RNF220: variants seen among roughly 807,000 people sequenced by gnomAD.
RNF220 encodes the protein E3 ubiquitin-protein ligase RNF220.
Under a neutral mutation model 67.1 loss-of-function variants are expected in RNF220, and 7 were observed. That is an observed-to-expected ratio of 0.10 (90% confidence interval 0.06 to 0.20). The LOEUF (loss-of-function observed/expected upper bound fraction) is 0.20, where lower values mean the gene tolerates loss of function less well. Ranked by LOEUF, RNF220 falls within the 10% of genes least tolerant of loss-of-function variation. The pLI is 1.00. For missense variants in RNF220, 565 were observed against 740.3 expected, an observed-to-expected ratio of 0.76 and a Z score of 2.75; for synonymous variants, 270 against 283.2, an observed-to-expected ratio of 0.95 and a Z score of 0.47.
chr1:44,468,049 A>G (rs1288104259), intron 2 of RNF220, among the ~76,000 whole-genome samples: 1 of 151,978 alleles, frequency 6.6e-6, no homozygotes, highest in African/African-American at 2.4e-5. Context: ...AGTGTGGTTC[A>G]TGGCACGCCA....
In RNF220 at chr1:44,650,278, G is replaced by T. The variant is rs980150192; in HGVS notation, c.1629+321G>T. On this transcript the variant is annotated intron_variant, in intron 14 of 14. Transcript: ENST00000361799. This position sits in a 1 kb window ranked among gnomAD's most constrained non-coding sequence, Gnocchi z 4.3. ...GGCTGGCTGTAGGTAAACAGGACCA[G>T]GGCCTTGGCCCCTCCCCCTCCCATT... 1.9e-6 allele frequency: 1 copy of T among 515,346 alleles called. No individual in the cohort carries two copies. Among genetic ancestry groups the T allele is most frequent in the African/African-American group, 1.9e-5 (1 of 52,294 alleles). The allele number at this position is 515,346 out of a possible 1,614,324, so 31.9% of individuals were successfully genotyped here. A position where few individuals can be genotyped will look rare whatever the true frequency, so the allele number is the denominator to read the frequency against.
chr1:44,528,616 T>C (rs1660590045), intron 2 of RNF220, among the ~76,000 whole-genome samples: 1 of 214 alleles, frequency 4.7e-3, no homozygotes, highest in African/African-American at 0.015. Context: ...ATTGGCAACT[T>C]TTTTTTTTTT....
chr1:44,560,323 T>C (rs961746549), intron 2 of RNF220, among the ~76,000 whole-genome samples: 2 of 152,112 alleles, frequency 1.3e-5, no homozygotes, highest in African/African-American at 4.8e-5. Context: ...GAAGGGCAGG[T>C]GCTGTTTCCC....
chr1:44,604,512 G>A (rs968071782), intron 2 of RNF220, among the ~76,000 whole-genome samples: 3 of 152,262 alleles, frequency 2.0e-5, no homozygotes, highest in Non-Finnish European at 4.4e-5. Flanking sequence ...GCCAGTCTCT[G>A]AACAGGTTGG....
Position 44,622,311 on chromosome 1 carries a change from C to T in RNF220, c.759-431C>T, listed in dbSNP as rs1643831748. 6.6e-6 allele frequency among the ~76,000 whole-genome samples: 1 copy of T among 152,212 alleles called. No homozygotes were observed. The highest frequency in any genetic ancestry group is 2.4e-5 in the African/African-American group (1 of 41,444). ...ATCATTCCTGGCCTAACACAGTTTG[C>T]AGCATGTTGGAGGGAGAATTGACAA... On this transcript the variant is annotated intron_variant, in intron 3 of 14. Coordinates refer to ENST00000361799, the MANE Select transcript of RNF220 (RefSeq NM_018150.4). The surrounding 1 kb of genome is among the most constrained non-coding windows in gnomAD (Gnocchi z 4.3).
chr1:44,620,405 T>C (rs935775735), intron 3 of RNF220, among the ~76,000 whole-genome samples: 2 of 152,224 alleles, frequency 1.3e-5, no homozygotes, highest in Admixed American at 6.5e-5. Flanking sequence ...CTAGGCCAGG[T>C]AGAGCAAGCA....
intron 2 of RNF220, among the ~76,000 whole-genome samples, chr1:44,431,700 C>A (rs1380319638): frequency 6.6e-6 from 1 of 151,712 alleles, no homozygotes; most frequent in Middle Eastern, 3.2e-3. Context: ...ACATCCCTGG[C>A]CATCTTCTGA....
chr1:44,561,104 C>G (rs1558044903), intron 2 of RNF220, among the ~76,000 whole-genome samples: 1 of 152,128 alleles, frequency 6.6e-6, no homozygotes, highest in African/African-American at 2.4e-5. Flanking sequence ...CTAGGAGGTA[C>G]CTGTACAAGT....
intron 2 of RNF220, among the ~76,000 whole-genome samples, chr1:44,598,765 C>T (rs537240093): frequency 6.6e-6 from 1 of 152,294 alleles, no homozygotes; most frequent in Admixed American, 6.5e-5. Context: ...AGGTCTATGA[C>T]CACTTGATAT....
chr1:44,474,168 A>G (rs1438602945), intron 2 of RNF220, among the ~76,000 whole-genome samples: 2 of 152,096 alleles, frequency 1.3e-5, no homozygotes, highest in Non-Finnish European at 2.9e-5. Context: ...TGAGGTCAGG[A>G]GTTCAAGACC....
intron 2 of RNF220, among the ~76,000 whole-genome samples, chr1:44,497,148 C>G (rs1429902978): frequency 6.6e-6 from 1 of 152,154 alleles, no homozygotes; most frequent in Non-Finnish European, 1.5e-5. Context: ...CCAATAAATT[C>G]TGGGCCTTCA....
intron 2 of RNF220, among the ~76,000 whole-genome samples, chr1:44,526,191 A>G (rs1303181009): frequency 1.3e-5 from 2 of 152,146 alleles, no homozygotes; most frequent in Non-Finnish European, 2.9e-5. Flanking sequence ...CGGGGAGAAA[A>G]GCGCATAACC....
chr1:44,589,538 C>T (rs887355381), intron 2 of RNF220, among the ~76,000 whole-genome samples: 2 of 144,654 alleles, frequency 1.4e-5, no homozygotes, highest in East Asian at 3.9e-4. Flanking sequence ...GGCGTGAACC[C>T]AGGAGGAGGA....
intron 8 of RNF220, among the ~76,000 whole-genome samples, chr1:44,641,708 G>T (rs960544121): frequency 1.3e-5 from 2 of 152,186 alleles, no homozygotes; most frequent in African/African-American, 4.8e-5. Context: ...TGGGAAAGAG[G>T]TTGGAGCAGG....
chr1:44,465,476 C>T (rs1185407865), intron 2 of RNF220, among the ~76,000 whole-genome samples: 1 of 149,404 alleles, frequency 6.7e-6, no homozygotes, highest in Non-Finnish European at 1.5e-5. Context: ...CGCTATGTTT[C>T]AGAGGCTGGC....
intron 2 of RNF220, among the ~76,000 whole-genome samples, chr1:44,508,290 G>A (rs1235748043): frequency 1.3e-5 from 2 of 152,100 alleles, no homozygotes; most frequent in East Asian, 1.9e-4. Context: ...TCCCATCTGT[G>A]TAGAGAGAGG....
chr1:44,517,835 G>A (rs1424697719), intron 2 of RNF220, among the ~76,000 whole-genome samples: 2 of 152,238 alleles, frequency 1.3e-5, no homozygotes, highest in African/African-American at 4.8e-5. Flanking sequence ...GGCCAGGTAC[G>A]GTGGTCCACA....
rs567966762 is a variant in RNF220, at chr1:44,417,565, C to T, written c.625+4843C>T. 8.5e-5 allele frequency among the ~76,000 whole-genome samples: 13 copies of T among 152,334 alleles called. No individual in the cohort carries two copies. The South Asian group carries it at 2.1e-3, about 24-fold the overall frequency. On this transcript the variant is annotated intron_variant, in intron 2 of 14. Transcript: ENST00000361799. This position sits in a 1 kb window ranked among gnomAD's most constrained non-coding sequence, Gnocchi z 4.0. ...CGCCGCTCTGTGCGGCGGCTGCCTC[C>T]TCTTACGGCCGGAATGCCTAATCAC...
chr1:44,545,219 C>T (rs1662027891), intron 2 of RNF220, among the ~76,000 whole-genome samples: 1 of 152,136 alleles, frequency 6.6e-6, no homozygotes. Flanking sequence ...CGGAGATGTG[C>T]AGGACAGAGA....
Sources: gnomAD v4.1 joint callset for allele counts (sites outside exome capture counted in the v4.1 genomes callset) on GRCh38, gnomAD v4.1.1 for gene constraint, Gnocchi (gnomAD v3.1) non-coding constraint, MANE v1.5 for transcripts, NCBI Gene and HGNC (gene_info 2026-07-23, HGNC 2026-07-21) for gene names.